The following CSRP2 variants were observed in gnomAD, a reference collection of about 807,000 sequenced individuals.
CSRP2 encodes the protein cysteine and glycine-rich protein 2.
CSRP2 carries 18 observed loss-of-function variants against 24.6 expected under a neutral mutation model. The observed-to-expected ratio is 0.73, with a 90% CI of 0.51 to 1.09. The LOEUF (loss-of-function observed/expected upper bound fraction) is 1.09, where lower values mean the gene tolerates loss of function less well. Ranked by LOEUF, CSRP2 falls within the 50% of genes least tolerant of loss-of-function variation. CSRP2 has a pLI of 0.00. For missense variants in CSRP2, 215 were observed against 239.4 expected (o/e 0.90, Z 0.67); for synonymous variants, 87 against 84.3 (o/e 1.03, Z -0.18).
chr12:76,874,705 G>A (rs139174529), intron 1 of CSRP2, among the ~76,000 whole-genome samples: 2,787 of 152,292 alleles, frequency 0.018, 39 homozygotes, highest in Non-Finnish European at 0.028. Flanking sequence ...GAGGTGAGTG[G>A]AGGGTAAGCG....
At chr12:76,873,711 A>G (rs1953825267) in intron 1 of CSRP2, among the ~76,000 whole-genome samples, 2 of 152,208 alleles carry the variant, frequency 1.3e-5, no homozygotes, top group African/African-American at 4.8e-5. Flanking sequence ...GGGGACTCAA[A>G]TGATAGTATC....
intron 1 of CSRP2, among the ~76,000 whole-genome samples, chr12:76,871,240 G>A (rs1282687814): frequency 1.3e-5 from 2 of 152,152 alleles, no homozygotes; most frequent in African/African-American, 4.8e-5. Flanking sequence ...AAATGCCTTG[G>A]CAGGAATCCA....
chr12:76,868,377 G>C (rs888337841), intron 1 of CSRP2, among the ~76,000 whole-genome samples: 1 of 152,118 alleles, frequency 6.6e-6, no homozygotes, highest in African/African-American at 2.4e-5. Context: ...ATCCTGGGGC[G>C]AGTCTTTCGC....
chr12:76,878,527 C>T (rs1484528076), intron 1 of CSRP2, among the ~76,000 whole-genome samples: 4 of 152,198 alleles, frequency 2.6e-5, no homozygotes, highest in Admixed American at 6.5e-5. Flanking sequence ...AGACTCCGAC[C>T]CCCACCCCAG....
intron 1 of CSRP2, among the ~76,000 whole-genome samples, chr12:76,876,834 A>C (rs745437617): frequency 6.6e-6 from 1 of 152,202 alleles, no homozygotes; most frequent in East Asian, 1.9e-4. Context: ...ACATATATTC[A>C]ACCAAGTGCA....
At position 76,866,331 on chromosome 12, in the gene CSRP2, C is replaced by A. The variant is rs1480709015; in HGVS notation, c.-1-70G>T. The A allele has an allele frequency of 4.2e-6, 5 of 1,195,858 alleles. No homozygotes were observed. In the Admixed American group the frequency reaches 1.0e-4, roughly 25 times the overall value. The allele number at this position is 1,195,858 out of a possible 1,614,324, so 74.1% of individuals were successfully genotyped here. A position where few individuals can be genotyped will look rare whatever the true frequency, so the allele number is the denominator to read the frequency against. On this transcript the variant is annotated intron_variant, in intron 1 of 5. Coordinates refer to ENST00000311083, the MANE Select transcript of CSRP2 (RefSeq NM_001321.3). Reference sequence around the variant, plus strand: ...ACGGCTCCCTAGAGGGCTATTTAAGCCCAGGGACAGCTGCAGATTTTCGTT... The same window carrying A: ...ACGGCTCCCTAGAGGGCTATTTAAGACCAGGGACAGCTGCAGATTTTCGTT...
Position 76,860,344 on chromosome 12 carries a change from C to G in CSRP2, c.351G>C (p.Glu117Asp), listed in dbSNP as rs757021263. 17 of 1,614,022 alleles carry G rather than the reference C, an allele frequency of 1.1e-5. No homozygotes were observed. The Admixed American group carries it at 2.3e-4, about 22-fold the overall frequency. ...SKFAQKYGGAEKCSRCGDSVY... is the reference protein window; with the variant it reads ...SKFAQKYGGADKCSRCGDSVY... ...CAGAATCCCCACATCTGGAACACTT[C>G]TCAGCACCTCCATATTTCTGAGCAA... is the stretch of plus-strand genomic sequence containing the variant. Residue 117 changes from glutamate to aspartate, a missense_variant, in exon 4 of 6, where the codon GAG becomes GAC. Coordinates refer to ENST00000311083, the MANE Select transcript of CSRP2 (RefSeq NM_001321.3).
chr12:76,870,521 G>A (rs79505094), intron 1 of CSRP2, among the ~76,000 whole-genome samples: 1 of 152,084 alleles, frequency 6.6e-6, no homozygotes, highest in Non-Finnish European at 1.5e-5. Context: ...TCCCTTGATG[G>A]TGGGGACCAC....
At chr12:76,870,638 G>A (rs1953786890) in intron 1 of CSRP2, among the ~76,000 whole-genome samples, 1 of 151,914 alleles carries the variant, frequency 6.6e-6, no homozygotes, top group Non-Finnish European at 1.5e-5. Context: ...AACCTTTTCT[G>A]TGATAGAGGG....
intron 1 of CSRP2, among the ~76,000 whole-genome samples, chr12:76,877,110 T>C (rs1953860664): frequency 1.3e-5 from 2 of 152,226 alleles, no homozygotes; most frequent in Non-Finnish European, 2.9e-5. Flanking sequence ...CTTTTGGGGT[T>C]CATTTGATTC....
intron 3 of CSRP2, 25 bp from the exon 4 acceptor site, chr12:76,860,438 T>C (rs750373212): frequency 1.2e-6 from 2 of 1,609,546 alleles, no homozygotes; most frequent in Non-Finnish European, 1.7e-6. Flanking sequence ...AAAAAAAAAG[T>C]AGGCAAGAGT....
intron 2 of CSRP2, among the ~76,000 whole-genome samples, chr12:76,865,304 TA>T (rs1186119503): frequency 1.3e-5 from 2 of 152,232 alleles, no homozygotes; most frequent in East Asian, 3.8e-4. Flanking sequence ...TTTAAAAAAG[TA>T]ACTTCTAAAA....
intron 1 of CSRP2, among the ~76,000 whole-genome samples, chr12:76,871,537 A>G (rs184319549): frequency 0.014 from 2,091 of 152,226 alleles, 53 homozygotes; most frequent in African/African-American, 0.047. Context: ...TTGGGAGGCC[A>G]AGGCGGGCAG....
intron 1 of CSRP2, among the ~76,000 whole-genome samples, chr12:76,869,529 A>AACACAC (rs57542492): frequency 0.056 from 7,511 of 135,310 alleles, 224 homozygotes; most frequent in South Asian, 0.068. Flanking sequence ...TAAAACAAAC[A>AACACAC]ACACACACAC....
chr12:76,870,225 T>C (rs1427172726), intron 1 of CSRP2, among the ~76,000 whole-genome samples: 3 of 152,260 alleles, frequency 2.0e-5, no homozygotes, highest in African/African-American at 2.4e-5. Context: ...AGGAGCCAGA[T>C]TGCTATCACG....
chr12:76,877,893 T>G (rs1953866473), intron 1 of CSRP2, among the ~76,000 whole-genome samples: 1 of 152,112 alleles, frequency 6.6e-6, no homozygotes, highest in South Asian at 2.1e-4. Context: ...ACAGGTTAAT[T>G]GGAAAAGTCA....
chr12:76,870,641 A>G (rs1331294189), intron 1 of CSRP2, among the ~76,000 whole-genome samples: 1 of 152,068 alleles, frequency 6.6e-6, no homozygotes, highest in African/African-American at 2.4e-5. Flanking sequence ...CTTTTCTGTG[A>G]TAGAGGGAAA....
chr12:76,871,509 G>C (rs1445131170), intron 1 of CSRP2, among the ~76,000 whole-genome samples: 1 of 152,178 alleles, frequency 6.6e-6, no homozygotes. Flanking sequence ...GGTGGCTCAC[G>C]CCTGTAATCC....
chr12:76,878,642 A>T (rs928245669), intron 1 of CSRP2, among the ~76,000 whole-genome samples: 1 of 152,212 alleles, frequency 6.6e-6, no homozygotes, highest in Non-Finnish European at 1.5e-5. Flanking sequence ...CAGTATGGAG[A>T]AATTAAAGGT....
Sources: gnomAD v4.1 joint callset for allele counts (sites outside exome capture counted in the v4.1 genomes callset) on GRCh38, gnomAD v4.1.1 for gene constraint, MANE v1.5 for transcripts, NCBI Gene and HGNC (gene_info 2026-07-23, HGNC 2026-07-21) for gene names.